SLC44A5: variants seen among roughly 807,000 people sequenced by gnomAD.
The protein encoded by SLC44A5 is choline transporter-like protein 5.
In SLC44A5, 57 loss-of-function variants were observed where a neutral mutation model predicts 101.8. The ratio of observed to expected loss-of-function variants is 0.56; its 90% CI spans 0.45 to 0.70. The LOEUF is 0.70. Among genes scored for constraint, SLC44A5 ranks in the 30% least tolerant of loss-of-function variants. The probability of loss-of-function intolerance (pLI) is 0.00; values close to 1 mark genes in which losing one functional copy is unlikely to be tolerated. For synonymous variants in SLC44A5, 281 were observed against 290.9 expected (o/e 0.97, Z 0.35); for missense variants, 737 against 853.1 (o/e 0.86, Z 1.70).
chr1:75,243,102 C>T, intron 7 of SLC44A5, 91 bp from the exon 8 acceptor site: 4 of 1,413,782 alleles, frequency 2.8e-6, no homozygotes, highest in Non-Finnish European at 3.8e-6. Flanking sequence ...TCCACCATAA[C>T]AAAAAGCAAT....
At chr1:75,658,025 G>A in the SLC44A5 span, among the ~76,000 whole-genome samples, 1 of 152,060 alleles carries the variant, frequency 6.6e-6, no homozygotes, top group Non-Finnish European at 1.5e-5. Flanking sequence ...TCTTCTCATT[G>A]GACATGGAAC....
chr1:75,251,161 A>C lies in SLC44A5; in HGVS notation c.345+49T>G, dbSNP rs149023216. On this transcript the variant is annotated intron_variant, in intron 7 of 23. Transcript: ENST00000370859. ...TGGAATTTCTCAATTCTTTTATCCA[A>C]GAATGTTCAGAACGGCTGACACTAC... is the stretch of plus-strand genomic sequence containing the variant. 2.8e-6 allele frequency: 4 copies of C among 1,414,854 alleles called. No homozygotes were observed. In the African/African-American group the frequency reaches 5.6e-5, roughly 20 times the overall value. 87.6% of individuals were successfully genotyped at this position (1,414,854 alleles called of 1,614,324 possible). A position where few individuals can be genotyped will look rare whatever the true frequency, so the allele number is the denominator to read the frequency against.
intron 23 of SLC44A5, among the ~76,000 whole-genome samples, chr1:75,204,219 A>G (rs1646711253): frequency 6.6e-6 from 1 of 152,162 alleles, no homozygotes; most frequent in Admixed American, 6.6e-5. Flanking sequence ...GCCTTGAAAA[A>G]TAAAAATTGT....
chr1:75,391,985 T>C (rs1363204663), intron 3 of SLC44A5, among the ~76,000 whole-genome samples: 1 of 151,954 alleles, frequency 6.6e-6, no homozygotes, highest in Non-Finnish European at 1.5e-5. Flanking sequence ...GAGACCCCCA[T>C]CTCTACAAAA....
At chr1:75,519,331 G>A (rs960473986) in intron 2 of SLC44A5, among the ~76,000 whole-genome samples, 4 of 152,120 alleles carry the variant, frequency 2.6e-5, no homozygotes, top group Non-Finnish European at 5.9e-5. Flanking sequence ...GCTGAGGAGG[G>A]AAAATAACTT....
intron 3 of SLC44A5, among the ~76,000 whole-genome samples, chr1:75,366,007 A>G (rs1659833217): frequency 6.6e-6 from 1 of 152,194 alleles, no homozygotes; most frequent in Admixed American, 6.5e-5. Flanking sequence ...TTCTTTCACA[A>G]ATATTATGGC....
At chr1:75,635,190 A>G in the SLC44A5 span, among the ~76,000 whole-genome samples, 3 of 151,688 alleles carry the variant, frequency 2.0e-5, no homozygotes, top group East Asian at 5.9e-4. Flanking sequence ...GAGAAATAGG[A>G]ACACTTTTAC....
chr1:75,650,889 C>G, the SLC44A5 span, among the ~76,000 whole-genome samples: 1 of 152,192 alleles, frequency 6.6e-6, no homozygotes, highest in African/African-American at 2.4e-5. Flanking sequence ...GCACTTCACC[C>G]AGCCTAGATA....
intron 2 of SLC44A5, among the ~76,000 whole-genome samples, chr1:75,480,453 A>G (rs1466775966): frequency 2.0e-5 from 3 of 152,202 alleles, no homozygotes; most frequent in Non-Finnish European, 2.9e-5. Flanking sequence ...GGAAAAGAGG[A>G]AGTCAAATTG....
chr1:75,249,982 A>G (rs1358602192), intron 7 of SLC44A5, among the ~76,000 whole-genome samples: 1 of 152,160 alleles, frequency 6.6e-6, no homozygotes, highest in Non-Finnish European at 1.5e-5. Flanking sequence ...TGGGATTAGA[A>G]ACATATAAAT....
chr1:75,300,754 G>T (rs1484237437), intron 4 of SLC44A5, 69 bp from the exon 5 acceptor site: 1 of 986,818 alleles, frequency 1.0e-6, no homozygotes, highest in Non-Finnish European at 1.5e-6. Context: ...TGCACAAAAT[G>T]AAGGAAGAGA....
chr1:75,471,037 A>G (rs538172939), intron 2 of SLC44A5, among the ~76,000 whole-genome samples: 30 of 152,314 alleles, frequency 2.0e-4, no homozygotes, highest in African/African-American at 7.2e-4. Context: ...CTATCTTCAA[A>G]TATAATGCAG....
At chr1:75,215,222 C>G (rs1338977055) in intron 19 of SLC44A5, among the ~76,000 whole-genome samples, 1 of 150,904 alleles carries the variant, frequency 6.6e-6, no homozygotes, top group East Asian at 2.0e-4. Context: ...CTGTAGCTTT[C>G]TAAAGGTTAG....
At chr1:75,330,141 ATG>A (rs1346014079) in intron 4 of SLC44A5, among the ~76,000 whole-genome samples, 188 of 143,030 alleles carry the variant, frequency 1.3e-3, no homozygotes, top group South Asian at 7.7e-3. Context: ...ACACACACAC[ATG>A]CATATACGTA....
chr1:75,281,617 T>TTTCC (rs927170363), intron 5 of SLC44A5, among the ~76,000 whole-genome samples: 2 of 136,552 alleles, frequency 1.5e-5, no homozygotes, highest in Non-Finnish European at 3.1e-5. Context: ...GGGGAAATTG[T>TTTCC]TTCCTGGGCT....
intron 7 of SLC44A5, 48 bp from the exon 8 acceptor site, chr1:75,243,059 A>G: frequency 1.3e-6 from 2 of 1,546,158 alleles, no homozygotes; most frequent in African/African-American, 1.4e-5. Flanking sequence ...GAACAAACCC[A>G]GGAACTACCT....
chr1:75,213,884 C>T, intron 21 of SLC44A5, 35 bp downstream of exon 21: 2 of 1,427,050 alleles, frequency 1.4e-6, no homozygotes, highest in Non-Finnish European at 1.9e-6. Context: ...ATCTTTTAAA[C>T]TTTTTTTTTT....
intron 8 of SLC44A5, among the ~76,000 whole-genome samples, 162 bp downstream of exon 8, chr1:75,242,724 T>A (rs1648746659): frequency 6.6e-6 from 1 of 152,164 alleles, no homozygotes; most frequent in Non-Finnish European, 1.5e-5. Context: ...ATAACTGGTG[T>A]GCATGCACAC....
chr1:75,499,828 C>T (rs1668860334), intron 2 of SLC44A5, among the ~76,000 whole-genome samples: 1 of 152,146 alleles, frequency 6.6e-6, no homozygotes. Context: ...TAGCTGTCCG[C>T]CAACTCATTA....
Sources: allele counts gnomAD v4.1 joint callset (sites outside exome capture counted in the v4.1 genomes callset), GRCh38; gene constraint gnomAD v4.1.1; transcripts MANE v1.5; gene names NCBI Gene and HGNC (gene_info 2026-07-23, HGNC 2026-07-21).